ZFP62: variants seen among roughly 807,000 people sequenced by gnomAD.
ZFP62 encodes ZFP62 zinc finger protein.
Under a neutral mutation model 56.4 loss-of-function variants are expected in ZFP62, and 44 were observed. The ratio of observed to expected loss-of-function variants is 0.78; its 90% confidence interval spans 0.61 to 1.00. ZFP62 has a LOEUF of 1.00. Among genes scored for constraint, ZFP62 ranks in the 50% least tolerant of loss-of-function variants. The probability of loss-of-function intolerance (pLI) is 0.00; values close to 1 mark genes in which losing one functional copy is unlikely to be tolerated. For synonymous variants in ZFP62, 421 were observed against 388.9 expected (o/e 1.08, Z -0.97); for missense variants, 1,030 against 1,085.7 (o/e 0.95, Z 0.72).
At chr5:180,843,209 C>T (rs1773350325), downstream of ZFP62, among the ~76,000 whole-genome samples, 1 of 151,704 alleles carries the variant, frequency 6.6e-6, no homozygotes, top group South Asian at 2.1e-4. Flanking sequence ...ATTCTAGGAA[C>T]TTTGCATTGT....
chr5:180,855,938 C>G (rs938643982), intron 1 of ZFP62, among the ~76,000 whole-genome samples: 1 of 152,210 alleles, frequency 6.6e-6, no homozygotes, highest in African/African-American at 2.4e-5. Context: ...TACTGTGGCA[C>G]CTAAAGCCTT....
chr5:180,835,159 A>T, the ZFP62 span: 3 of 152,210 alleles, frequency 2.0e-5, no homozygotes, highest in African/African-American at 7.2e-5. Flanking sequence ...ACTTGAGAAT[A>T]CCTGCTCAGT....
chr5:180,855,054 C>T (rs1405496203), intron 1 of ZFP62, among the ~76,000 whole-genome samples: 1 of 152,144 alleles, frequency 6.6e-6, no homozygotes, highest in Non-Finnish European at 1.5e-5. Context: ...GAGACTATCC[C>T]AATCCTTAGG....
chr5:180,856,799 A>C (rs1053147322), intron 1 of ZFP62, among the ~76,000 whole-genome samples: 133 of 151,822 alleles, frequency 8.8e-4, no homozygotes, highest in Non-Finnish European at 1.5e-3. Context: ...CTAAAAATAC[A>C]AAAAAATGGC....
chr5:180,858,342 T>G (rs1774119084), intron 1 of ZFP62, among the ~76,000 whole-genome samples: 1 of 150,318 alleles, frequency 6.7e-6, no homozygotes, highest in Non-Finnish European at 1.5e-5. Flanking sequence ...CAGTGGTTCA[T>G]GCCTGTAATC....
In ZFP62 at chr5:180,848,372, C is replaced by T. The variant is rs1773494143; in HGVS notation, c.*420G>A. The T allele has an allele frequency of 1.0e-6, 1 of 990,068 alleles. No homozygotes were observed. Among genetic ancestry groups the T allele is most frequent in the East Asian group, 1.1e-4 (1 of 8,908 alleles). The allele number at this position is 990,068 out of a possible 1,614,324, so 61.3% of individuals were successfully genotyped here. ...TGGAGGCCCTTAGTTTTCCCACTGACCAATGTGTAATTGGGATTCAAAGCT... is the reference window on the plus strand; with the variant it reads ...TGGAGGCCCTTAGTTTTCCCACTGATCAATGTGTAATTGGGATTCAAAGCT... On this transcript the variant is annotated 3_prime_UTR_variant, in exon 2 of 2. Coordinates refer to ENST00000502412, the MANE Select transcript of ZFP62 (RefSeq NM_001172638.2).
chr5:180,845,722 G>A, downstream of ZFP62: 1 of 985,428 alleles, frequency 1.0e-6, no homozygotes, highest in Non-Finnish European at 1.2e-6. Context: ...TCTTGATGCA[G>A]ACAGACTTCA....
In ZFP62 at chr5:180,849,882, C is replaced by T. The variant is rs1460320792; in HGVS notation, c.1613G>A (p.Cys538Tyr). The T allele has an allele frequency of 3.9e-6, 6 of 1,551,736 alleles. No homozygotes were observed. The highest frequency in any genetic ancestry group is 4.4e-6 in the Non-Finnish European group (5 of 1,147,016). The change falls in exon 2 of 2, where the codon TGT becomes TAT. Residue 538 changes from cysteine to tyrosine, a missense_variant. By Grantham distance (194) the Cys-to-Tyr change is radical. Coordinates refer to ENST00000502412, the MANE Select transcript of ZFP62 (RefSeq NM_001172638.2). Reference sequence around the variant, plus strand: ...AGAATTATTTCTGAAAGCTTTACCACACTCATCACACCCAAAGGGTTTTTC... The same window carrying T: ...AGAATTATTTCTGAAAGCTTTACCATACTCATCACACCCAAAGGGTTTTTC... ...TREKPFGCDECGKAFRNNSGL... is the reference protein window; with the variant it reads ...TREKPFGCDEYGKAFRNNSGL...
Position 180,848,321 on chromosome 5 carries a change from A to G in ZFP62, c.*471T>C. The G allele has an allele frequency of 1.0e-6, 1 of 986,492 alleles. No homozygotes were observed. The highest frequency in any genetic ancestry group is 1.1e-4 in the East Asian group (1 of 8,828). 61.1% of individuals were successfully genotyped at this position (986,492 alleles called of 1,614,324 possible). A position where few individuals can be genotyped will look rare whatever the true frequency, so the allele number is the denominator to read the frequency against. On this transcript the variant is annotated 3_prime_UTR_variant, in exon 2 of 2. Coordinates refer to ENST00000502412, the MANE Select transcript of ZFP62 (RefSeq NM_001172638.2). ...TATTAAATAAATTTATATTCCCTGA[A>G]ACCTATCCTCCCTGAATTTGCCTGT...
the ZFP62 span, among the ~76,000 whole-genome samples, chr5:180,827,821 T>C: frequency 6.6e-6 from 1 of 152,374 alleles, no homozygotes; most frequent in Non-Finnish European, 1.5e-5. Context: ...ACGTTCCATC[T>C]ACTGAGATAG....
At chr5:180,831,674 T>C in the ZFP62 span, 1 of 152,428 alleles carries the variant, frequency 6.6e-6, no homozygotes, top group Admixed American at 6.5e-5. Context: ...TGGCTACGGG[T>C]ACCCGGACCT....
the ZFP62 span, among the ~76,000 whole-genome samples, chr5:180,836,709 GAGGTA>G: frequency 6.6e-6 from 1 of 152,200 alleles, no homozygotes; most frequent in Non-Finnish European, 1.5e-5. Context: ...AATGTAAACT[GAGGTA>G]AGGGCCATGC....
Position 180,851,117 on chromosome 5 carries a change from G to C in ZFP62, c.378C>G (p.Ser126=). The change falls in exon 2 of 2, where the codon TCC becomes TCG. Residue 126 remains serine, a synonymous_variant. Transcript: ENST00000502412. Reference sequence around the variant, plus strand: ...TGGTTTTCTGCTGTAGACTAGGGTAGGAGGTTCCATTAATGTTCTCCACAC... The same window carrying C: ...TGGTTTTCTGCTGTAGACTAGGGTACGAGGTTCCATTAATGTTCTCCACAC... ...GKRVENINGT[S]YPSLQQKTNA... 1 of 1,551,724 alleles carries C rather than the reference G, an allele frequency of 6.4e-7. No individual in the cohort carries two copies. The highest frequency in any genetic ancestry group is 8.7e-7 in the Non-Finnish European group (1 of 1,146,988).
downstream of ZFP62, among the ~76,000 whole-genome samples, chr5:180,846,061 G>A (rs1157665014): frequency 6.6e-6 from 1 of 152,132 alleles, no homozygotes; most frequent in East Asian, 1.9e-4. Context: ...GAAGGAACCG[G>A]GGGTGGTGCC....
chr5:180,839,249 A>G, the ZFP62 span, among the ~76,000 whole-genome samples: 5 of 152,336 alleles, frequency 3.3e-5, no homozygotes, highest in Admixed American at 1.3e-4. Flanking sequence ...GTGGCTAAAA[A>G]CAGTGCCAAG....
chr5:180,858,878 G>A (rs1232927478), intron 1 of ZFP62, among the ~76,000 whole-genome samples: 3 of 152,174 alleles, frequency 2.0e-5, no homozygotes, highest in Non-Finnish European at 2.9e-5. Context: ...CGCAGCATGA[G>A]TCTAATAGCC....
chr5:180,854,338 G>A (rs1773862532), intron 1 of ZFP62, among the ~76,000 whole-genome samples: 1 of 152,198 alleles, frequency 6.6e-6, no homozygotes, highest in South Asian at 2.1e-4. Flanking sequence ...CTGAAGATAG[G>A]ATTTCATGAG....
At position 180,851,317 on chromosome 5, in the gene ZFP62, T is replaced by C; in HGVS notation, c.178A>G (p.Arg60Gly). The C allele has an allele frequency of 1.9e-6, 3 of 1,551,740 alleles. No homozygotes were observed. The highest frequency in any genetic ancestry group is 2.6e-6 in the Non-Finnish European group (3 of 1,147,002). ...ATGCTGCTTTTGTCCTCCTTCATCC[T>C]GTTTTCCACAGGCTTTTTCTGTTGA... Reference protein sequence around the residue: ...ENQQKKPVENRMKEDKSSIRE... With the variant: ...ENQQKKPVENGMKEDKSSIRE... Residue 60 changes from arginine (R) to glycine (G), a missense_variant, in exon 2 of 2, where the codon AGG (arginine) becomes GGG (glycine). Transcript: ENST00000502412.
At position 180,848,743 on chromosome 5, in the gene ZFP62, A is replaced by G. The variant is rs1233274090; in HGVS notation, c.*49T>C. The G allele has an allele frequency of 6.8e-7, 1 of 1,461,192 alleles. No homozygotes were observed. The highest frequency in any genetic ancestry group is 9.1e-7 in the Non-Finnish European group (1 of 1,103,736). The allele number at this position is 1,461,192 out of a possible 1,614,324, so 90.5% of individuals were successfully genotyped here. On this transcript the variant is annotated 3_prime_UTR_variant, in exon 2 of 2. Transcript: ENST00000502412. ...TGACCCCCTACATTCTTACATTCAT[A>G]AGGTATTTCTTCCATTTGAGTTCGG...
Sources: allele counts gnomAD v4.1 joint callset (sites outside exome capture counted in the v4.1 genomes callset), GRCh38; gene constraint gnomAD v4.1.1; transcripts MANE v1.5; gene names NCBI Gene and HGNC (gene_info 2026-07-23, HGNC 2026-07-21).